The following GRIK1 variants were observed in gnomAD, a reference collection of about 807,000 sequenced individuals.
The protein encoded by GRIK1 is glutamate receptor ionotropic, kainate 1.
In GRIK1, 69 loss-of-function variants were observed where a neutral mutation model predicts 105.7. The ratio of observed to expected loss-of-function variants is 0.65; its 90% CI spans 0.54 to 0.80. The LOEUF (loss-of-function observed/expected upper bound fraction) is 0.80. Ranked by LOEUF, GRIK1 falls within the 30% of genes least tolerant of loss-of-function variation. The pLI, the probability that GRIK1 is intolerant of heterozygous loss-of-function variation, is 0.00. For synonymous variants in GRIK1, 438 were observed against 431.3 expected (o/e 1.02, Z -0.19); for missense variants, 1,109 against 1,167.3 (o/e 0.95, Z 0.73).
At chr21:29,582,304 G>T in intron 12 of GRIK1, 1 of 467,264 alleles carries the variant, frequency 2.1e-6, no homozygotes, top group South Asian at 1.6e-5. Context: ...TTTTAAATTT[G>T]TTTTCAGAAC....
At position 29,848,770 on chromosome 21, in the gene GRIK1, TA is replaced by T. The variant is rs1449323744; in HGVS notation, c.118+90612del. Among the ~76,000 whole-genome samples, 170 of 99,400 alleles carry T rather than the reference TA, an allele frequency of 1.7e-3. 1 individual carries two copies. Among genetic ancestry groups the T allele is most frequent in the African/African-American group, 8.4e-3 (157 of 18,668 alleles). 65.2% of individuals were successfully genotyped at this position (99,400 alleles called of 152,430 possible). On this transcript the variant is annotated intron_variant, in intron 1 of 17. Coordinates refer to ENST00000327783, the MANE Select transcript of GRIK1 (RefSeq NM_001330994.2). The stretch of plus-strand genomic sequence containing the variant: ...AGTTGTGTGTGTATATATATATATA[TA>T]TATATATATTTTTTTTTTTTTCCAC...
Position 29,642,836 on chromosome 21 carries a change from A to G in GRIK1, c.1088T>C (p.Leu363Pro), listed in dbSNP as rs752553029. Residue 363 changes from leucine (L) to proline (P), a missense_variant, in exon 7 of 18, where the codon CTG becomes CCG. Leu to Pro is a moderately conservative substitution (Grantham distance 98). This residue lies in a region of GRIK1 where 612 missense variants were observed against 586.0 expected (regional missense o/e 1.04). Coordinates refer to ENST00000327783, the MANE Select transcript of GRIK1 (RefSeq NM_001330994.2). ...GGGAGCATCACTTGCCTCTTTGATC[A>G]GGTTCATAAATCTGGGTCCGAGGCG... Reference protein sequence around the residue: ...PWRLGPRFMNLIKEARWDGLT... With the variant: ...PWRLGPRFMNPIKEARWDGLT... The G allele has an allele frequency of 1.8e-5, 29 of 1,613,978 alleles. No homozygotes were observed. The highest frequency in any genetic ancestry group is 2.4e-5 in the Non-Finnish European group (28 of 1,179,938).
intron 1 of GRIK1, among the ~76,000 whole-genome samples, chr21:29,859,367 A>T (rs2068566897): frequency 6.6e-6 from 1 of 151,528 alleles, no homozygotes; most frequent in South Asian, 2.1e-4. Context: ...ATAATAAAAA[A>T]GTATATATAT....
intron 1 of GRIK1, among the ~76,000 whole-genome samples, chr21:29,706,275 C>G (rs975479325): frequency 3.3e-5 from 5 of 152,292 alleles, no homozygotes; most frequent in African/African-American, 1.2e-4. Flanking sequence ...CTTTTAATAA[C>G]TTTTTCATTT....
chr21:29,762,751 G>A (rs1033904366), intron 1 of GRIK1, among the ~76,000 whole-genome samples: 5 of 152,128 alleles, frequency 3.3e-5, no homozygotes, highest in Admixed American at 6.5e-5. Context: ...CCTTTAGACT[G>A]CAGAGTCATG....
At chr21:29,664,310 A>G (rs1432177286) in intron 4 of GRIK1, among the ~76,000 whole-genome samples, 1 of 152,292 alleles carries the variant, frequency 6.6e-6, no homozygotes, top group African/African-American at 2.4e-5. Flanking sequence ...TAAGAATTGT[A>G]TCACACCTGT....
chr21:29,852,754 T>C (rs2146053846), intron 1 of GRIK1, among the ~76,000 whole-genome samples: 1 of 152,344 alleles, frequency 6.6e-6, no homozygotes, highest in Non-Finnish European at 1.5e-5. Flanking sequence ...TATTTTCTTA[T>C]GTCAGTTTGA....
intron 1 of GRIK1, among the ~76,000 whole-genome samples, chr21:29,805,740 G>A (rs1167369183): frequency 6.6e-6 from 1 of 152,130 alleles, no homozygotes; most frequent in East Asian, 1.9e-4. Flanking sequence ...TTGCTAGTCA[G>A]CCATTATGGT....
At chr21:29,905,617 GTAT>G (rs2070589016) in intron 1 of GRIK1, among the ~76,000 whole-genome samples, 2 of 103,776 alleles carry the variant, frequency 1.9e-5, no homozygotes, top group East Asian at 2.8e-4. Context: ...AGCAAATTTT[GTAT>G]TTTTTTTTTT....
chr21:29,537,922 G>A (rs769376890), intron 16 of GRIK1, 38 bp from the exon 17 acceptor site: 36 of 956,880 alleles, frequency 3.8e-5, no homozygotes, highest in Admixed American at 2.2e-5. Flanking sequence ...ATTTTAAATT[G>A]TACATTTTCT....
chr21:29,735,895 A>G (rs1040753459), intron 1 of GRIK1, among the ~76,000 whole-genome samples: 1 of 151,812 alleles, frequency 6.6e-6, no homozygotes, highest in Admixed American at 6.6e-5. Flanking sequence ...AGATTGGTAC[A>G]TTGCCAATAC....
intron 1 of GRIK1, among the ~76,000 whole-genome samples, chr21:29,817,068 G>T (rs544800500): frequency 6.6e-6 from 1 of 151,930 alleles, no homozygotes; most frequent in African/African-American, 2.4e-5. Flanking sequence ...CACTTATTAC[G>T]TATCAATAAA....
At chr21:29,803,125 A>G (rs2066758953) in intron 1 of GRIK1, among the ~76,000 whole-genome samples, 1 of 152,166 alleles carries the variant, frequency 6.6e-6, no homozygotes. Context: ...ACTATCCCTT[A>G]ATAGACAATC....
chr21:29,768,966 A>C (rs2065743876), intron 1 of GRIK1, among the ~76,000 whole-genome samples: 1 of 152,212 alleles, frequency 6.6e-6, no homozygotes. Flanking sequence ...AATGCTTTTA[A>C]AGCATTTAGC....
intron 1 of GRIK1, among the ~76,000 whole-genome samples, chr21:29,809,543 T>C (rs1165954514): frequency 1.3e-5 from 2 of 152,246 alleles, no homozygotes; most frequent in Admixed American, 1.3e-4. Flanking sequence ...CTCTTGCGGC[T>C]GGTTTGAGCT....
At chr21:29,771,409 C>T (rs780912029) in intron 1 of GRIK1, among the ~76,000 whole-genome samples, 32 of 152,230 alleles carry the variant, frequency 2.1e-4, no homozygotes, top group South Asian at 8.3e-4. Context: ...GTACTAATTA[C>T]GTTTACTTTT....
chr21:29,790,902 A>T (rs2066395402), intron 1 of GRIK1, among the ~76,000 whole-genome samples: 1 of 152,238 alleles, frequency 6.6e-6, no homozygotes, highest in Non-Finnish European at 1.5e-5. Context: ...GATTCTAAAT[A>T]ACAAATCAGT....
chr21:29,635,518 C>A (rs769471083), intron 7 of GRIK1, among the ~76,000 whole-genome samples: 1 of 152,138 alleles, frequency 6.6e-6, no homozygotes, highest in African/African-American at 2.4e-5. Context: ...AGGTTCACTG[C>A]AGCTGAAGAC....
chr21:29,926,244 G>A (rs761328325), intron 1 of GRIK1, among the ~76,000 whole-genome samples: 2 of 151,936 alleles, frequency 1.3e-5, no homozygotes, highest in African/African-American at 4.8e-5. Flanking sequence ...CCTCACCTCC[G>A]TTTCACATGT....
Sources: gnomAD v4.1 joint callset for allele counts (sites outside exome capture counted in the v4.1 genomes callset) on GRCh38, gnomAD v4.1.1 for gene constraint, gnomAD v4.1.1 regional missense constraint, MANE v1.5 for transcripts, NCBI Gene and HGNC (gene_info 2026-07-23, HGNC 2026-07-21) for gene names.